The following ARHGEF10 variants were observed in gnomAD, a reference collection of about 807,000 sequenced individuals.
ARHGEF10 encodes the protein Rho guanine nucleotide exchange factor 10.
In ARHGEF10, 140 loss-of-function variants were observed where a neutral mutation model predicts 147.4. The ratio of observed to expected loss-of-function variants is 0.95; its 90% CI spans 0.83 to 1.09. The LOEUF (loss-of-function observed/expected upper bound fraction) is 1.09. Ranked by LOEUF, ARHGEF10 falls within the 50% of genes least tolerant of loss-of-function variation. The pLI is 0.00. For missense variants in ARHGEF10, 2,222 were observed against 1,752.7 expected (o/e 1.27, Z -4.78); for synonymous variants, 902 against 695.8 (o/e 1.30, Z -4.67).
intron 18 of ARHGEF10, among the ~76,000 whole-genome samples, chr8:1,920,644 G>A (rs1812215457): frequency 6.6e-6 from 1 of 152,186 alleles, no homozygotes; most frequent in East Asian, 1.9e-4. Flanking sequence ...TGTGTTACAA[G>A]GTTGTGTTTA....
In ARHGEF10 at chr8:1,918,637, A is replaced by G. The variant is rs183235154; in HGVS notation, c.2144-4327A>G. Among the ~76,000 whole-genome samples, 3 of 152,382 alleles carry G rather than the reference A, an allele frequency of 2.0e-5. No individual in the cohort carries two copies. The East Asian group carries it at 5.8e-4, about 29-fold the overall frequency. On this transcript the variant is annotated intron_variant, in intron 18 of 28. Coordinates refer to ENST00000349830, the MANE Select transcript of ARHGEF10 (RefSeq NM_014629.4). ...CTAAGTAGCTTATGCCTTCCTTCAC[A>G]CACTTACCATTTGTTCATGGTGAGA...
Position 1,952,692 on chromosome 8 carries a change from T to C in ARHGEF10, c.3398-13T>C, listed in dbSNP as rs1385108338. The C allele has an allele frequency of 6.2e-7, 1 of 1,613,430 alleles. No homozygotes were observed. The highest frequency in any genetic ancestry group is 8.5e-7 in the Non-Finnish European group (1 of 1,180,028). ...CAAACCAGACCCGAAGCCACTCATG[T>C]CTTTCCGCCCAGGGCACCAGCGGCT... On this transcript the variant is annotated splice_polypyrimidine_tract_variant and intron_variant, in intron 27 of 28. Transcript: ENST00000349830.
intron 11 of ARHGEF10, among the ~76,000 whole-genome samples, chr8:1,890,749 A>T (rs1474874549): frequency 6.6e-6 from 1 of 151,874 alleles, no homozygotes; most frequent in Non-Finnish European, 1.5e-5. Flanking sequence ...CTGTGAAGAG[A>T]GAGTGAGTAG....
chr8:1,886,855 C>T (rs368603532), intron 11 of ARHGEF10, among the ~76,000 whole-genome samples: 4 of 152,314 alleles, frequency 2.6e-5, no homozygotes, highest in East Asian at 1.9e-4. Context: ...TCTCTCCCAT[C>T]GCAGCCTGCT....
chr8:1,869,092 T>C, intron 6 of ARHGEF10, 102 bp from the exon 7 acceptor site: 1 of 1,132,542 alleles, frequency 8.8e-7, no homozygotes, highest in Non-Finnish European at 1.3e-6. Context: ...AACCAACTTT[T>C]TGAATAATCA....
intron 10 of ARHGEF10, among the ~76,000 whole-genome samples, chr8:1,883,866 C>T (rs1398003545): frequency 1.3e-5 from 2 of 152,124 alleles, no homozygotes; most frequent in South Asian, 2.1e-4. Context: ...GTGTGTCTGC[C>T]ACCAGCAGCA....
Position 1,957,277 on chromosome 8 carries a change from C to T in ARHGEF10, c.*14C>T, listed in dbSNP as rs760979994. 2.5e-6 allele frequency: 4 copies of T among 1,602,850 alleles called. No individual in the cohort carries two copies. The highest frequency in any genetic ancestry group is 2.5e-6 in the Non-Finnish European group (3 of 1,177,150). ...CTGAATATATAAGCAGGACGGCCGC[C>T]TTCTGCTGTCAGAATTTGCAATCAA... On this transcript the variant is annotated 3_prime_UTR_variant, in exon 29 of 29. Transcript: ENST00000349830.
At chr8:1,890,888 G>C (rs780518548) in intron 11 of ARHGEF10, among the ~76,000 whole-genome samples, 2 of 152,166 alleles carry the variant, frequency 1.3e-5, no homozygotes, top group African/African-American at 2.4e-5. Flanking sequence ...GGCAGTGACT[G>C]TTCATTGTTT....
intron 7 of ARHGEF10, among the ~76,000 whole-genome samples, chr8:1,873,972 G>A (rs537221701): frequency 6.6e-6 from 1 of 152,320 alleles, no homozygotes; most frequent in South Asian, 2.1e-4. Flanking sequence ...GCCTCCATAG[G>A]CCACTTTTTA....
At chr8:1,934,391 C>T (rs1227519392) in intron 26 of ARHGEF10, among the ~76,000 whole-genome samples, 1 of 150,136 alleles carries the variant, frequency 6.7e-6, no homozygotes, top group Non-Finnish European at 1.5e-5. Context: ...AAAGAAAATT[C>T]CTTCTAGATT....
chr8:1,881,815 A>C (rs537768678), intron 9 of ARHGEF10, among the ~76,000 whole-genome samples: 7 of 152,184 alleles, frequency 4.6e-5, no homozygotes, highest in Admixed American at 4.6e-4. Context: ...TCTCAGCTGC[A>C]CTGCTGGTCC....
chr8:1,945,992 A>C, intron 27 of ARHGEF10: 1 of 460,152 alleles, frequency 2.2e-6, no homozygotes, highest in South Asian at 2.1e-5. Context: ...GCCCTGGGGA[A>C]GCCAGGACCT....
At chr8:1,928,293 T>C (rs888289561) in intron 23 of ARHGEF10, 134 bp from the exon 24 acceptor site, 2 of 808,628 alleles carry the variant, frequency 2.5e-6, no homozygotes, top group East Asian at 5.0e-5. Context: ...TAAGAATTTT[T>C]TTTTATTTTT....
At position 1,919,159 on chromosome 8, in the gene ARHGEF10, GTGGGTGATGGAGCTGTTCTC is replaced by G. The variant is rs1429105465; in HGVS notation, c.2144-3786_2144-3767del. 3.0e-3 allele frequency among the ~76,000 whole-genome samples: 423 copies of G among 143,104 alleles called. 3 individuals carry two copies. Among genetic ancestry groups the G allele is most frequent in the African/African-American group, 0.01 (381 of 37,950 alleles). 93.9% of individuals were successfully genotyped at this position (143,104 alleles called of 152,430 possible). A position where few individuals can be genotyped will look rare whatever the true frequency, so the allele number is the denominator to read the frequency against. ...GTTCCATGGGTGATGGAGCTGTTCCGTGGGTGATGGAGCTGTTCTCTGGGTGATGGAGCTGTTCCGTGGGT... is the reference window on the plus strand; with the variant it reads ...GTTCCATGGGTGATGGAGCTGTTCCGTGGGTGATGGAGCTGTTCCGTGGGT... On this transcript the variant is annotated intron_variant, in intron 18 of 28. Transcript: ENST00000349830.
At chr8:1,873,439 C>A (rs1226097372) in intron 7 of ARHGEF10, among the ~76,000 whole-genome samples, 1 of 151,548 alleles carries the variant, frequency 6.6e-6, no homozygotes, top group African/African-American at 2.4e-5. Flanking sequence ...GAGGAGCCCG[C>A]GGGGTAGTGC....
At chr8:1,894,727 A>G (rs1809834211) in intron 13 of ARHGEF10, among the ~76,000 whole-genome samples, 155 bp downstream of exon 13, 1 of 152,230 alleles carries the variant, frequency 6.6e-6, no homozygotes, top group African/African-American at 2.4e-5. Flanking sequence ...GCCCTGGCCA[A>G]GCGTGTGCGC....
chr8:1,849,274 TA>T, intron 2 of ARHGEF10, among the ~76,000 whole-genome samples: 5 of 150,606 alleles, frequency 3.3e-5, no homozygotes, highest in African/African-American at 7.4e-5. Context: ...GAGAAGGGCG[TA>T]GGGCGGCCGT....
chr8:1,928,792 T>A, intron 24 of ARHGEF10, 142 bp downstream of exon 24: 1 of 892,084 alleles, frequency 1.1e-6, no homozygotes, highest in South Asian at 1.4e-5. Flanking sequence ...GGGAAATTTT[T>A]AGGGTCATTG....
chr8:1,905,792 T>C, intron 17 of ARHGEF10, 76 bp downstream of exon 17: 1 of 1,571,516 alleles, frequency 6.4e-7, no homozygotes, highest in East Asian at 2.2e-5. Context: ...TGCATGACTT[T>C]GTTAATTCTG....
Sources: allele counts gnomAD v4.1 joint callset (sites outside exome capture counted in the v4.1 genomes callset), GRCh38; gene constraint gnomAD v4.1.1; transcripts MANE v1.5; gene names NCBI Gene and HGNC (gene_info 2026-07-23, HGNC 2026-07-21).